The following PDLIM5 variants were observed in gnomAD, a reference collection of about 807,000 sequenced individuals.
PDLIM5 encodes the protein PDZ and LIM domain protein 5.
In PDLIM5, 34 loss-of-function variants were observed where a neutral mutation model predicts 64.2. That is an observed-to-expected ratio of 0.53 (90% CI 0.40 to 0.71). The LOEUF is 0.71. Among genes scored for constraint, PDLIM5 ranks in the 30% least tolerant of loss-of-function variants. The pLI is 0.00. For synonymous variants in PDLIM5, 253 were observed against 269.1 expected (o/e 0.94, Z 0.59); for missense variants, 683 against 733.6 (o/e 0.93, Z 0.80).
intron 7 of PDLIM5, among the ~76,000 whole-genome samples, chr4:94,617,768 T>C (rs1235598505): frequency 6.6e-6 from 1 of 152,112 alleles, no homozygotes; most frequent in East Asian, 1.9e-4. Context: ...TAATTTCTCA[T>C]GGTAGACCTT....
At chr4:94,501,602 T>C (rs555042811) in intron 2 of PDLIM5, among the ~76,000 whole-genome samples, 1 of 152,348 alleles carries the variant, frequency 6.6e-6, no homozygotes, top group South Asian at 2.1e-4. Flanking sequence ...TTAGAGTTCA[T>C]TTTTCTGATA....
intron 3 of PDLIM5, among the ~76,000 whole-genome samples, chr4:94,543,839 C>A (rs1469687220): frequency 7.6e-6 from 1 of 131,278 alleles, no homozygotes; most frequent in Non-Finnish European, 1.6e-5. Flanking sequence ...TGTGTGTTTT[C>A]TTTATCCTTG....
At chr4:94,502,599 G>A (rs374505471) in intron 2 of PDLIM5, among the ~76,000 whole-genome samples, 3 of 152,116 alleles carry the variant, frequency 2.0e-5, no homozygotes, top group Admixed American at 6.6e-5. Context: ...AGTTAAGGCC[G>A]GGCGCAGTGG....
At chr4:94,558,221 G>A (rs2510770) in intron 3 of PDLIM5, among the ~76,000 whole-genome samples, 38,496 of 152,054 alleles carry the variant, frequency 0.25, 5,480 homozygotes, top group East Asian at 0.41. Flanking sequence ...ATTGATTTGC[G>A]TATGTTGAAC....
chr4:94,456,359 T>C lies in PDLIM5; in HGVS notation c.96+975T>C, dbSNP rs772233709. 4.9e-6 allele frequency: 3 copies of C among 617,752 alleles called. No individual in the cohort carries two copies. The South Asian group carries it at 5.2e-5, about 11-fold the overall frequency. 38.3% of individuals were successfully genotyped at this position (617,752 alleles called of 1,614,324 possible). A position where few individuals can be genotyped will look rare whatever the true frequency, so the allele number is the denominator to read the frequency against. On this transcript the variant is annotated intron_variant, in intron 2 of 12. Coordinates refer to ENST00000317968, the MANE Select transcript of PDLIM5 (RefSeq NM_006457.5). The stretch of plus-strand genomic sequence containing the variant: ...GATTACAGGCATGTGCCACCACGCC[T>C]GGCTAATTTTGTATTTTTAGTAGAG...
At chr4:94,640,251 C>G (rs766172107) in intron 8 of PDLIM5, 25 bp from the exon 9 acceptor site, 1 of 1,405,166 alleles carries the variant, frequency 7.1e-7, no homozygotes. Context: ...TATTCTCATT[C>G]TGATTCTTCT....
chr4:94,587,298 A>AG, intron 7 of PDLIM5: 1 of 1,286,814 alleles, frequency 7.8e-7, no homozygotes, highest in Non-Finnish European at 9.9e-7. Context: ...AAAAAAAAAA[A>AG]TAGAAAATTA....
intron 7 of PDLIM5, among the ~76,000 whole-genome samples, chr4:94,593,038 C>T (rs949152768): frequency 2.0e-5 from 3 of 152,182 alleles, no homozygotes; most frequent in African/African-American, 7.2e-5. Flanking sequence ...TTTTACCTCT[C>T]ATTTGACACT....
chr4:94,558,207 G>T (rs532424658), intron 3 of PDLIM5, among the ~76,000 whole-genome samples: 2 of 152,110 alleles, frequency 1.3e-5, no homozygotes, highest in Non-Finnish European at 2.9e-5. Flanking sequence ...GCTGGATTAC[G>T]TTTATTGATT....
At chr4:94,552,172 A>T (rs903899473) in intron 3 of PDLIM5, among the ~76,000 whole-genome samples, 1 of 152,088 alleles carries the variant, frequency 6.6e-6, no homozygotes, top group African/African-American at 2.4e-5. Context: ...TTTGATGGCT[A>T]TTTTTTATGT....
At position 94,455,394 on chromosome 4, in the gene PDLIM5, C is replaced by G; in HGVS notation, c.96+10C>G. On this transcript the variant is annotated intron_variant, in intron 2 of 12. Transcript: ENST00000317968. ...TCTGACAATCTCTAGTGTAAGTAAA[C>G]TTTACAAATTTTATTATAGATGTTC... 1.3e-6 allele frequency: 2 copies of G among 1,560,458 alleles called. No homozygotes were observed. Among genetic ancestry groups the G allele is most frequent in the African/African-American group, 1.3e-5 (1 of 74,080 alleles).
chr4:94,532,426 C>T (rs1415266931), intron 3 of PDLIM5, among the ~76,000 whole-genome samples: 1 of 152,120 alleles, frequency 6.6e-6, no homozygotes, highest in African/African-American at 2.4e-5. Flanking sequence ...CTTCTACAGC[C>T]CTTGGTATTT....
intron 2 of PDLIM5, among the ~76,000 whole-genome samples, chr4:94,483,884 A>T (rs548504183): frequency 6.6e-6 from 1 of 152,196 alleles, no homozygotes; most frequent in Admixed American, 6.5e-5. Context: ...TTCTTCATTC[A>T]TGTACCATCT....
At chr4:94,639,171 G>C (rs1740805426) in intron 8 of PDLIM5, among the ~76,000 whole-genome samples, 2 of 152,248 alleles carry the variant, frequency 1.3e-5, no homozygotes, top group African/African-American at 4.8e-5. Context: ...AGCATACATA[G>C]ACCCATTCAC....
intron 7 of PDLIM5, among the ~76,000 whole-genome samples, chr4:94,592,246 G>T (rs1206437092): frequency 6.6e-6 from 1 of 152,154 alleles, no homozygotes; most frequent in African/African-American, 2.4e-5. Context: ...GATTTACTGA[G>T]TAAATGTAAT....
chr4:94,496,412 G>T (rs947232873), intron 2 of PDLIM5, among the ~76,000 whole-genome samples: 2 of 152,120 alleles, frequency 1.3e-5, no homozygotes, highest in African/African-American at 4.8e-5. Flanking sequence ...TCATTTGGGG[G>T]CTGCTTTCGC....
chr4:94,561,180 C>G (rs1289085429), intron 3 of PDLIM5, among the ~76,000 whole-genome samples: 1 of 152,052 alleles, frequency 6.6e-6, no homozygotes, highest in Non-Finnish European at 1.5e-5. Flanking sequence ...CTAATATAGA[C>G]AGATTTTCGG....
chr4:94,597,831 T>C (rs1578443885), intron 7 of PDLIM5, among the ~76,000 whole-genome samples: 2 of 152,222 alleles, frequency 1.3e-5, no homozygotes, highest in Non-Finnish European at 2.9e-5. Context: ...CTTGAGATCA[T>C]CTGGAAAAAA....
intron 5 of PDLIM5, among the ~76,000 whole-genome samples, chr4:94,580,696 C>A (rs916234138): frequency 6.6e-6 from 1 of 151,966 alleles, no homozygotes; most frequent in African/African-American, 2.4e-5. Context: ...TGATTTGAGT[C>A]TTTAAACTCT....
Sources: gnomAD v4.1 joint callset for allele counts (sites outside exome capture counted in the v4.1 genomes callset) on GRCh38, gnomAD v4.1.1 for gene constraint, MANE v1.5 for transcripts, NCBI Gene and HGNC (gene_info 2026-07-23, HGNC 2026-07-21) for gene names.